Variants in PTPRR observed in about 807,000 individuals in gnomAD.
The protein encoded by PTPRR is protein tyrosine phosphatase receptor type R.
A neutral mutation model predicts 77.2 loss-of-function variants in PTPRR; 38 were observed. The ratio of observed to expected loss-of-function variants is 0.49; its 90% CI spans 0.38 to 0.65. PTPRR has a LOEUF of 0.65. Among genes scored for constraint, PTPRR ranks in the 30% least tolerant of loss-of-function variants. The probability of loss-of-function intolerance (pLI) is 0.00; values close to 1 mark genes in which losing one functional copy is unlikely to be tolerated. For synonymous variants in PTPRR, 299 were observed against 283.1 expected (o/e 1.06, Z -0.57); for missense variants, 744 against 799.2 (o/e 0.93, Z 0.83).
At chr12:70,860,612 A>G (rs2137078313) in intron 2 of PTPRR, among the ~76,000 whole-genome samples, 1 of 152,264 alleles carries the variant, frequency 6.6e-6, no homozygotes, top group East Asian at 1.9e-4. Context: ...TCCCACAATA[A>G]GGTTTGGATT....
At chr12:70,908,628 C>T (rs1395233153) in intron 1 of PTPRR, among the ~76,000 whole-genome samples, 1 of 152,152 alleles carries the variant, frequency 6.6e-6, no homozygotes, top group Non-Finnish European at 1.5e-5. Context: ...ATGAGAACTA[C>T]AATTCAAGAT....
chr12:70,698,362 A>C lies in PTPRR; in HGVS notation c.1195-13T>G. 1 of 1,603,186 alleles carries C rather than the reference A, an allele frequency of 6.2e-7. No homozygotes were observed. Among genetic ancestry groups the C allele is most frequent in the Non-Finnish European group, 8.5e-7 (1 of 1,170,846 alleles). ...TCATTGGTATTTCCTGCAAAAATAA[A>C]TAATATCAAATTAGTGTATCTAATA... On this transcript the variant is annotated splice_polypyrimidine_tract_variant and intron_variant, in intron 7 of 13. Transcript: ENST00000283228.
At chr12:70,798,804 C>T (rs1026162201) in intron 2 of PTPRR, among the ~76,000 whole-genome samples, 1 of 132,532 alleles carries the variant, frequency 7.5e-6, no homozygotes, top group African/African-American at 2.8e-5. Flanking sequence ...TTACATAGAC[C>T]TTATTATAGT....
In PTPRR at chr12:70,788,921, A is replaced by C. The variant is rs979572703; in HGVS notation, c.358-24143T>G. On this transcript the variant is annotated intron_variant, in intron 2 of 13. Coordinates refer to ENST00000283228, the MANE Select transcript of PTPRR (RefSeq NM_002849.4). ...AGCAGGACTAATCGTAAAGCTTTCTAAGCTTGTGTGCTGAGATGAAGCCTC... is the reference window on the plus strand; with the variant it reads ...AGCAGGACTAATCGTAAAGCTTTCTCAGCTTGTGTGCTGAGATGAAGCCTC... 9 of 1,459,924 alleles carry C rather than the reference A, an allele frequency of 6.2e-6. No individual in the cohort carries two copies. In the South Asian group the frequency reaches 1.3e-4, roughly 21 times the overall value. The allele number at this position is 1,459,924 out of a possible 1,614,324, so 90.4% of individuals were successfully genotyped here.
At chr12:70,668,586 GGC>G (rs1231970353) in intron 10 of PTPRR, among the ~76,000 whole-genome samples, 1 of 151,934 alleles carries the variant, frequency 6.6e-6, no homozygotes, top group Non-Finnish European at 1.5e-5. Flanking sequence ...AATTTAACAT[GGC>G]ACACTTAACA....
intron 1 of PTPRR, among the ~76,000 whole-genome samples, chr12:70,915,479 A>G (rs1252616665): frequency 1.3e-5 from 2 of 152,190 alleles, no homozygotes; most frequent in Non-Finnish European, 2.9e-5. Context: ...AAAGAAGCAA[A>G]TCAGTTTTTT....
At chr12:70,695,694 A>C (rs983724841) in intron 8 of PTPRR, among the ~76,000 whole-genome samples, 3 of 152,204 alleles carry the variant, frequency 2.0e-5, no homozygotes, top group Admixed American at 2.0e-4. Context: ...ATGGAGGTAT[A>C]TTCCCTTATT....
At chr12:70,711,360 G>A (rs192324268) in intron 6 of PTPRR, among the ~76,000 whole-genome samples, 1 of 152,216 alleles carries the variant, frequency 6.6e-6, no homozygotes, top group East Asian at 1.9e-4. Flanking sequence ...TGGATATGTA[G>A]AGGGGAAAAA....
intron 2 of PTPRR, among the ~76,000 whole-genome samples, chr12:70,872,173 C>T (rs751575156): frequency 6.6e-6 from 1 of 151,690 alleles, no homozygotes; most frequent in Non-Finnish European, 1.5e-5. Context: ...AAAATGTAAA[C>T]AGAAATTACA....
chr12:70,745,218 CCT>C (rs1243777957), intron 6 of PTPRR, among the ~76,000 whole-genome samples: 1 of 152,156 alleles, frequency 6.6e-6, no homozygotes, highest in East Asian at 1.9e-4. Context: ...GCATGCGCCA[CCT>C]CACCTGGCTA....
At chr12:70,713,894 GTTT>G (rs2136822353) in intron 6 of PTPRR, among the ~76,000 whole-genome samples, 1 of 152,212 alleles carries the variant, frequency 6.6e-6, no homozygotes, top group Admixed American at 6.5e-5. Flanking sequence ...GTGGGCCATG[GTTT>G]GCCTGGGTAT....
chr12:70,799,361 G>A (rs112450729), intron 2 of PTPRR, among the ~76,000 whole-genome samples: 2,190 of 152,160 alleles, frequency 0.014, 24 homozygotes, highest in Middle Eastern at 0.031. Flanking sequence ...TGATTCCTCA[G>A]TTGTTAAAAT....
At chr12:70,735,866 A>T (rs931564370) in intron 6 of PTPRR, among the ~76,000 whole-genome samples, 2 of 152,260 alleles carry the variant, frequency 1.3e-5, no homozygotes, top group Admixed American at 1.3e-4. Context: ...TTAGTGTCCA[A>T]CCCATCAGCT....
At chr12:70,661,249 T>C (rs1372426658) in intron 11 of PTPRR, 152 bp from the exon 12 acceptor site, 1 of 945,776 alleles carries the variant, frequency 1.1e-6, no homozygotes, top group Non-Finnish European at 1.6e-6. Flanking sequence ...AAGAGTGCCC[T>C]TTTACTTTGA....
intron 3 of PTPRR, among the ~76,000 whole-genome samples, chr12:70,764,119 C>T (rs2136965903): frequency 6.6e-6 from 1 of 151,398 alleles, no homozygotes; most frequent in South Asian, 2.1e-4. Context: ...TCCTCAGGGT[C>T]AGTTCTTTAT....
chr12:70,743,673 A>G (rs559096037), intron 6 of PTPRR, among the ~76,000 whole-genome samples: 1 of 152,144 alleles, frequency 6.6e-6, no homozygotes, highest in Admixed American at 6.5e-5. Flanking sequence ...AGATAAGGGG[A>G]CAGAGGATCT....
intron 6 of PTPRR, 54 bp downstream of exon 6, chr12:70,745,764 T>C (rs1890191123): frequency 1.3e-6 from 2 of 1,551,792 alleles, no homozygotes; most frequent in Non-Finnish European, 1.7e-6. Context: ...TTTTAGTTGA[T>C]GAATACTCTT....
chr12:70,854,789 T>C (rs1221146485), intron 2 of PTPRR, among the ~76,000 whole-genome samples: 1 of 152,220 alleles, frequency 6.6e-6, no homozygotes, highest in African/African-American at 2.4e-5. Context: ...AATGAAATAG[T>C]ACTTACTAGG....
At chr12:70,640,219 C>T (rs1053024440) in intron 13 of PTPRR, among the ~76,000 whole-genome samples, 1 of 152,144 alleles carries the variant, frequency 6.6e-6, no homozygotes, top group African/African-American at 2.4e-5. Context: ...ATTGCTTAGG[C>T]TGTTGTGCAG....
Sources: allele counts gnomAD v4.1 joint callset (sites outside exome capture counted in the v4.1 genomes callset), GRCh38; gene constraint gnomAD v4.1.1; transcripts MANE v1.5; gene names NCBI Gene and HGNC (gene_info 2026-07-23, HGNC 2026-07-21).